FANK1: variants seen among roughly 807,000 people sequenced by gnomAD.
FANK1 encodes the protein fibronectin type III and ankyrin repeat domains 1, also known as fibronectin type 3 and ankyrin repeat domains protein 1.
In FANK1, 44 loss-of-function variants were observed where a neutral mutation model predicts 45.3. The observed-to-expected ratio is 0.97, with a 90% CI of 0.76 to 1.25. The LOEUF (loss-of-function observed/expected upper bound fraction) is 1.25, where lower values mean the gene tolerates loss of function less well. Among genes scored for constraint, FANK1 ranks in the 50% most tolerant of loss-of-function variants. FANK1 has a pLI of 0.00. For synonymous variants in FANK1, 149 were observed against 152.5 expected, an observed-to-expected ratio of 0.98 and a Z score of 0.17; for missense variants, 391 against 424.4, an observed-to-expected ratio of 0.92 and a Z score of 0.69.
At chr10:125,925,270 CA>C (rs1454549951) in intron 1 of FANK1, among the ~76,000 whole-genome samples, 2 of 152,366 alleles carry the variant, frequency 1.3e-5, no homozygotes, top group East Asian at 3.9e-4. Flanking sequence ...GCATATGATT[CA>C]AAAAATATAC....
intron 1 of FANK1, among the ~76,000 whole-genome samples, chr10:125,978,859 C>T (rs1160360776): frequency 6.6e-6 from 1 of 152,166 alleles, no homozygotes; most frequent in African/African-American, 2.4e-5. Flanking sequence ...CTGGATTCAT[C>T]CTCTTTCCTA....
At chr10:125,903,600 CG>C (rs111536317) in intron 1 of FANK1, among the ~76,000 whole-genome samples, 1 of 144,990 alleles carries the variant, frequency 6.9e-6, no homozygotes, top group South Asian at 2.2e-4. Flanking sequence ...GAAGCTGAGG[CG>C]GGGGGACTGC....
intron 1 of FANK1, chr10:125,973,588 A>G (rs7086509): frequency 0.91 from 260,475 of 285,952 alleles, 118,909 homozygotes; most frequent in African/African-American, 0.98. Flanking sequence ...CAAGAGGCCC[A>G]TAAGGGTAAT....
chr10:125,942,544 C>T (rs1948517649), intron 1 of FANK1, among the ~76,000 whole-genome samples: 1 of 151,720 alleles, frequency 6.6e-6, no homozygotes, highest in Non-Finnish European at 1.5e-5. Context: ...GAAAAGAATA[C>T]AAAATTAAGA....
At chr10:125,936,211 C>G (rs997720698) in intron 1 of FANK1, among the ~76,000 whole-genome samples, 2 of 152,162 alleles carry the variant, frequency 1.3e-5, no homozygotes, top group Admixed American at 6.5e-5. Context: ...ACTTTTGAAT[C>G]TAAGACAATA....
intron 7 of FANK1, 37 bp from the exon 8 acceptor site, chr10:126,008,370 A>G: frequency 6.5e-7 from 1 of 1,536,926 alleles, no homozygotes; most frequent in Non-Finnish European, 8.7e-7. Flanking sequence ...AAGAAAAAGA[A>G]ATTGGGCTCA....
chr10:125,920,317 T>G (rs1003384553), intron 1 of FANK1, among the ~76,000 whole-genome samples: 2 of 152,214 alleles, frequency 1.3e-5, no homozygotes, highest in African/African-American at 4.8e-5. Context: ...ACAACTGTGA[T>G]TATAATACAT....
intron 6 of FANK1, among the ~76,000 whole-genome samples, chr10:126,002,258 G>C (rs890670310): frequency 6.6e-6 from 1 of 152,102 alleles, no homozygotes; most frequent in African/African-American, 2.4e-5. Context: ...GTTGCAGTGA[G>C]CCAAGATTGT....
chr10:125,943,541 G>T (rs1015472790), intron 1 of FANK1, among the ~76,000 whole-genome samples: 1 of 151,984 alleles, frequency 6.6e-6, no homozygotes, highest in African/African-American at 2.4e-5. Flanking sequence ...AATCTACTTT[G>T]TCTGATTTGC....
intron 1 of FANK1, among the ~76,000 whole-genome samples, chr10:125,906,214 G>A (rs73383063): frequency 1.1e-4 from 16 of 151,528 alleles, no homozygotes; most frequent in African/African-American, 2.2e-4. Context: ...TCCCAGGTCC[G>A]TTACAAAAAA....
chr10:125,958,715 G>T (rs1312288245), intron 1 of FANK1, among the ~76,000 whole-genome samples: 1 of 152,072 alleles, frequency 6.6e-6, no homozygotes, highest in Non-Finnish European at 1.5e-5. Context: ...ATTTAGAGTT[G>T]CATTTCCCTT....
At chr10:125,994,844 G>T (rs1263070972) in intron 3 of FANK1, 1 of 985,180 alleles carries the variant, frequency 1.0e-6, no homozygotes, top group Admixed American at 6.2e-5. Context: ...ACTCCTCCTG[G>T]GTCTTCGCTG....
rs139111777 is a variant in FANK1 at position 125,932,974 on chromosome 10, T to A, written c.13+36319T>A. ...CTATTGAGATCATGTCATTTTTTTT[T>A]AAATTTTGTTTGTGTGGTGTACCAC... On this transcript the variant is annotated intron_variant, in intron 1 of 10. Transcript: ENST00000368693. 1.9e-3 allele frequency among the ~76,000 whole-genome samples: 292 copies of A among 152,290 alleles called. 1 individual carries two copies. Among genetic ancestry groups the A allele is most frequent in the African/African-American group, 5.9e-3 (244 of 41,578 alleles).
chr10:125,992,832 C>A (rs543443677), intron 3 of FANK1, among the ~76,000 whole-genome samples: 16 of 152,132 alleles, frequency 1.1e-4, no homozygotes, highest in African/African-American at 3.6e-4. Context: ...AAGCAGTTAG[C>A]ACGTTTTGGA....
chr10:125,952,477 A>C (rs1949302479), intron 1 of FANK1, among the ~76,000 whole-genome samples: 1 of 152,154 alleles, frequency 6.6e-6, no homozygotes, highest in Admixed American at 6.5e-5. Context: ...TTTAAAAAAA[A>C]GTTCAGAGAA....
chr10:125,904,220 C>T (rs935265161), intron 1 of FANK1, among the ~76,000 whole-genome samples: 3 of 152,140 alleles, frequency 2.0e-5, no homozygotes, highest in African/African-American at 4.8e-5. Flanking sequence ...AAAGATTCCA[C>T]AATTATTATA....
intron 1 of FANK1, among the ~76,000 whole-genome samples, chr10:125,963,140 T>C (rs1950023675): frequency 6.6e-6 from 1 of 152,176 alleles, no homozygotes; most frequent in African/African-American, 2.4e-5. Flanking sequence ...CCCACCACCA[T>C]GCCCGGCTAA....
chr10:125,911,084 T>C (rs965940119), intron 1 of FANK1, among the ~76,000 whole-genome samples: 10 of 151,230 alleles, frequency 6.6e-5, no homozygotes, highest in Middle Eastern at 6.8e-3. Context: ...TCTAGGAGTA[T>C]ATTACTTTAC....
intron 1 of FANK1, among the ~76,000 whole-genome samples, chr10:125,940,667 G>A (rs1347388371): frequency 6.6e-6 from 1 of 151,984 alleles, no homozygotes; most frequent in South Asian, 2.1e-4. Context: ...TACAGGTGTC[G>A]GGCTGGGGGA....
Sources: allele counts gnomAD v4.1 joint callset (sites outside exome capture counted in the v4.1 genomes callset), GRCh38; gene constraint gnomAD v4.1.1; transcripts MANE v1.5; gene names NCBI Gene and HGNC (gene_info 2026-07-23, HGNC 2026-07-21).